The following ZNF280C variants were observed in gnomAD, a reference collection of about 807,000 sequenced individuals.
ZNF280C encodes suppressor of hairy wing homolog 3.
Under a neutral mutation model 53.6 loss-of-function variants are expected in ZNF280C, and 14 were observed. The ratio of observed to expected loss-of-function variants is 0.26; its 90% CI spans 0.17 to 0.41. The LOEUF (loss-of-function observed/expected upper bound fraction) is 0.41. ZNF280C is among the 10% of genes least tolerant of loss of function. ZNF280C has a pLI of 1.00. For missense variants in ZNF280C, 416 were observed against 547.1 expected (o/e 0.76, Z 2.39); for synonymous variants, 203 against 181.1 (o/e 1.12, Z -0.97).
intron 13 of ZNF280C, among the ~76,000 whole-genome samples, chrX:130,217,234 A>G (rs1160303280): frequency 8.9e-6 from 1 of 111,967 alleles, no homozygotes; most frequent in Non-Finnish European, 1.9e-5. Context: ...AAAATGTAGA[A>G]TATCTATACA....
intron 15 of ZNF280C, among the ~76,000 whole-genome samples, chrX:130,213,075 C>T (rs1247717995): frequency 1.8e-5 from 2 of 111,951 alleles, no homozygotes; most frequent in Non-Finnish European, 3.8e-5. Context: ...TATTTTTGGC[C>T]GGGCGTGGTG....
At position 130,260,905 on chromosome X, in the gene ZNF280C, AAT is replaced by A. The variant is rs1242806776; in HGVS notation, c.-16-442_-16-441del. 8.9e-5 allele frequency among the ~76,000 whole-genome samples: 10 copies of A among 112,220 alleles called. No individual in the cohort carries two copies. In the South Asian group the frequency reaches 1.8e-3, roughly 21 times the overall value. On this transcript the variant is annotated intron_variant, in intron 1 of 18. Coordinates refer to ENST00000370978, the MANE Select transcript of ZNF280C (RefSeq NM_017666.5). ...ATGCAAAAATGAGTAATTATCCTGT[AAT>A]ATATGTTTTAGTAAATCTGAATTCT...
chrX:130,220,567 A>C, intron 12 of ZNF280C, 87 bp from the exon 13 acceptor site: 2 of 913,341 alleles, frequency 2.2e-6, no homozygotes, highest in Non-Finnish European at 2.9e-6. Flanking sequence ...AATCTAAATA[A>C]ATTTACAACC....
intron 10 of ZNF280C, among the ~76,000 whole-genome samples, chrX:130,228,553 G>T (rs2032244474): frequency 9.1e-6 from 1 of 109,575 alleles, no homozygotes; most frequent in African/African-American, 3.3e-5. Context: ...AGAGTGCTGG[G>T]ATTACAGGAA....
At chrX:130,238,690 T>C (rs1196638078) in intron 6 of ZNF280C, among the ~76,000 whole-genome samples, 2 of 111,669 alleles carry the variant, frequency 1.8e-5, no homozygotes, top group African/African-American at 3.2e-5. Context: ...GTTTCGGTTC[T>C]TGGCTATTTT....
intron 15 of ZNF280C, 74 bp from the exon 16 acceptor site, chrX:130,209,789 TC>T: frequency 2.5e-6 from 2 of 792,918 alleles, no homozygotes; most frequent in Non-Finnish European, 3.7e-6. Flanking sequence ...TGACCACATT[TC>T]AAGCCAATGC....
At chrX:130,226,953 T>A in intron 11 of ZNF280C, 48 bp from the exon 12 acceptor site, 1 of 1,117,818 alleles carries the variant, frequency 8.9e-7, no homozygotes, top group Non-Finnish European at 1.2e-6. Flanking sequence ...TTATAACTTC[T>A]TGCAATTACA....
chrX:130,228,842 A>ATT, intron 10 of ZNF280C, 135 bp downstream of exon 10: 5 of 585,628 alleles, frequency 8.5e-6, no homozygotes, highest in South Asian at 4.6e-5. Context: ...AAAAGTTATG[A>ATT]TTTTTTTTTT....
rs1365712286 is a variant in ZNF280C, at chrX:130,215,871, C to T, written c.1758G>A (p.Lys586=). ...NTSKPRGRIA[K]SKAKPSYKQK... ...GCTTGTAAGAGGGTTTTGCTTTGGA[C>T]TTAGCTATACGTCCCCTTGGCTTAC... Residue 586 remains lysine (K), a synonymous_variant, in exon 14 of 19, where the codon AAG becomes AAA. Coordinates refer to ENST00000370978, the MANE Select transcript of ZNF280C (RefSeq NM_017666.5). 2.5e-6 allele frequency: 3 copies of T among 1,209,820 alleles called. No homozygotes were observed. Among genetic ancestry groups the T allele is most frequent in the African/African-American group, 1.7e-5 (1 of 57,198 alleles).
At chrX:130,243,755 C>A (rs1309564885) in intron 4 of ZNF280C, 45 bp downstream of exon 4, 1 of 1,167,217 alleles carries the variant, frequency 8.6e-7, no homozygotes, top group Non-Finnish European at 1.2e-6. Flanking sequence ...CCAATTATAT[C>A]AAAATATTTA....
In ZNF280C at chrX:130,265,527, AGTAT is replaced by A. The variant is rs771730271; in HGVS notation, c.-17+3231_-17+3234del. On this transcript the variant is annotated intron_variant, in intron 1 of 18. Coordinates refer to ENST00000370978, the MANE Select transcript of ZNF280C (RefSeq NM_017666.5). ...ACTAATTCCTAAAGTAACCTCAAGA[AGTAT>A]GTATTATTAATCAATTTGCTTTTTA... Among the ~76,000 whole-genome samples, 3 of 112,286 alleles carry A rather than the reference AGTAT, an allele frequency of 2.7e-5. No individual in the cohort carries two copies. In the East Asian group the frequency reaches 8.3e-4, roughly 31 times the overall value.
chrX:130,206,645 C>T (rs1448919655), intron 16 of ZNF280C, among the ~76,000 whole-genome samples: 2 of 111,670 alleles, frequency 1.8e-5, no homozygotes, highest in South Asian at 3.7e-4. Context: ...GGATTATAGG[C>T]GTAAGCCACC....
At chrX:130,252,117 A>G (rs1475592912) in intron 2 of ZNF280C, among the ~76,000 whole-genome samples, 2 of 112,385 alleles carry the variant, frequency 1.8e-5, no homozygotes, top group African/African-American at 6.5e-5. Flanking sequence ...CTATCTCAGA[A>G]AAAATGAAAA....
At chrX:130,251,422 C>A (rs1432919457) in intron 2 of ZNF280C, among the ~76,000 whole-genome samples, 1 of 110,112 alleles carries the variant, frequency 9.1e-6, no homozygotes, top group Admixed American at 9.7e-5. Flanking sequence ...ATCTGACATT[C>A]GGCACAATAC....
At chrX:130,210,915 T>C (rs762858362) in intron 15 of ZNF280C, among the ~76,000 whole-genome samples, 22 of 112,341 alleles carry the variant, frequency 2.0e-4, no homozygotes, top group Non-Finnish European at 3.6e-4. Flanking sequence ...GTTTCAGGCC[T>C]TACTGCAAAC....
At chrX:130,252,979 C>T (rs2032530849) in intron 2 of ZNF280C, among the ~76,000 whole-genome samples, 1 of 111,417 alleles carries the variant, frequency 9.0e-6, no homozygotes, top group South Asian at 3.8e-4. Flanking sequence ...TCAAACTATC[C>T]CTGTTTGCAG....
chrX:130,244,685 G>A (rs1166104043), intron 3 of ZNF280C, among the ~76,000 whole-genome samples: 1 of 107,861 alleles, frequency 9.3e-6, no homozygotes, highest in African/African-American at 3.4e-5. Context: ...GGCTGAGGCA[G>A]GAGAATGGTG....
At chrX:130,255,436 G>A (rs1043145498) in intron 2 of ZNF280C, among the ~76,000 whole-genome samples, 3 of 105,770 alleles carry the variant, frequency 2.8e-5, no homozygotes, top group Non-Finnish European at 3.9e-5. Flanking sequence ...CACCGCGCCC[G>A]GCCGAAAAAT....
At chrX:130,255,547 A>T (rs957524315) in intron 2 of ZNF280C, among the ~76,000 whole-genome samples, 1 of 111,907 alleles carries the variant, frequency 8.9e-6, no homozygotes. Flanking sequence ...TACAAAAAAA[A>T]TTCCTAGTTC....
Sources: allele counts gnomAD v4.1 joint callset (sites outside exome capture counted in the v4.1 genomes callset), GRCh38; gene constraint gnomAD v4.1.1; transcripts MANE v1.5; gene names NCBI Gene and HGNC (gene_info 2026-07-23, HGNC 2026-07-21).